Variants in ROBO1 observed in about 807,000 individuals in gnomAD.
ROBO1 encodes roundabout guidance receptor 1.
ROBO1 carries 149 observed loss-of-function variants against 195.9 expected under a neutral mutation model. The ratio of observed to expected loss-of-function variants is 0.76; its 90% CI spans 0.67 to 0.87. The LOEUF (loss-of-function observed/expected upper bound fraction) is 0.87, where lower values mean the gene tolerates loss of function less well. Among genes scored for constraint, ROBO1 ranks in the 40% least tolerant of loss-of-function variants. The probability of loss-of-function intolerance (pLI) is 0.00; values close to 1 mark genes in which losing one functional copy is unlikely to be tolerated. For synonymous variants in ROBO1, 816 were observed against 733.2 expected, an observed-to-expected ratio of 1.11 and a Z score of -1.82; for missense variants, 1,933 against 2,068.3, an observed-to-expected ratio of 0.93 and a Z score of 1.27.
intron 3 of ROBO1, among the ~76,000 whole-genome samples, chr3:79,002,552 T>A (rs1407180095): frequency 6.6e-6 from 1 of 151,990 alleles, no homozygotes; most frequent in East Asian, 1.9e-4. Context: ...AAAATTAGAG[T>A]ACAGCCAGCC....
At chr3:79,163,152 G>A (rs2108671075) in intron 2 of ROBO1, among the ~76,000 whole-genome samples, 1 of 152,066 alleles carries the variant, frequency 6.6e-6, no homozygotes, top group East Asian at 1.9e-4. Context: ...CTGAAATTCT[G>A]TACCCACTAA....
At chr3:79,255,707 G>A (rs2082821203) in intron 2 of ROBO1, among the ~76,000 whole-genome samples, 1 of 152,100 alleles carries the variant, frequency 6.6e-6, no homozygotes, top group Admixed American at 6.6e-5. Context: ...TAATATATAC[G>A]AAGGGCGATT....
At chr3:79,081,419 C>G (rs547913239) in intron 3 of ROBO1, among the ~76,000 whole-genome samples, 1 of 152,208 alleles carries the variant, frequency 6.6e-6, no homozygotes, top group East Asian at 1.9e-4. Flanking sequence ...AATCTTTGAG[C>G]ACAATAGTAA....
chr3:79,231,733 A>C (rs1197417031), intron 2 of ROBO1, among the ~76,000 whole-genome samples: 6 of 152,202 alleles, frequency 3.9e-5, no homozygotes, highest in African/African-American at 1.4e-4. Flanking sequence ...AAAGGGTATA[A>C]ATTATTCTAT....
At chr3:79,616,516 GACATAGGAAACCAGATA>G (rs1944824545) in intron 1 of ROBO1, among the ~76,000 whole-genome samples, 1 of 152,090 alleles carries the variant, frequency 6.6e-6, no homozygotes, top group African/African-American at 2.4e-5. Flanking sequence ...TGTACTTTGG[GACATAGGAAACCAGATA>G]ACATGGTCTC....
At position 79,540,481 on chromosome 3, in the gene ROBO1, T is replaced by C. The variant is rs185633010; in HGVS notation, c.88+49343A>G. ...GTAATTATATCCAATCCTATTAATA[T>C]GCTTTCAACATCCGCTCATAACCCA... On this transcript the variant is annotated intron_variant, in intron 2 of 30. Coordinates refer to ENST00000464233, the MANE Select transcript of ROBO1 (RefSeq NM_002941.4). 3.2e-3 allele frequency among the ~76,000 whole-genome samples: 487 copies of C among 152,244 alleles called. 7 individuals carry two copies. Among genetic ancestry groups the C allele is most frequent in the Non-Finnish European group, 2.7e-3 (182 of 67,996 alleles).
chr3:78,768,158 T>C (rs1283933544), intron 4 of ROBO1, among the ~76,000 whole-genome samples: 2 of 152,124 alleles, frequency 1.3e-5, no homozygotes, highest in African/African-American at 2.4e-5. Context: ...TTTTAAAATT[T>C]CCATCTTGAT....
intron 1 of ROBO1, among the ~76,000 whole-genome samples, chr3:79,709,961 C>T (rs1210052973): frequency 6.6e-6 from 1 of 152,146 alleles, no homozygotes; most frequent in Non-Finnish European, 1.5e-5. Context: ...CTTTGGACTT[C>T]CTAGCCCCTG....
chr3:79,718,539 T>C (rs1233460123), intron 1 of ROBO1, among the ~76,000 whole-genome samples: 1 of 152,004 alleles, frequency 6.6e-6, no homozygotes, highest in Non-Finnish European at 1.5e-5. Flanking sequence ...ATATGTATTA[T>C]AGTGTTATAA....
intron 7 of ROBO1, 74 bp from the exon 8 acceptor site, chr3:78,714,598 C>T (rs968969570): frequency 7.5e-7 from 1 of 1,337,558 alleles, no homozygotes; most frequent in Non-Finnish European, 1.0e-6. Flanking sequence ...ACACACAATG[C>T]TTCAAAGCAC....
At chr3:78,880,444 G>GGGTA (rs1302487119) in intron 4 of ROBO1, among the ~76,000 whole-genome samples, 3 of 151,898 alleles carry the variant, frequency 2.0e-5, no homozygotes, top group African/African-American at 7.3e-5. Flanking sequence ...TTACTGAATA[G>GGGTA]GGTAACTTTT....
At chr3:79,535,500 G>C (rs574353466) in intron 2 of ROBO1, among the ~76,000 whole-genome samples, 2 of 152,208 alleles carry the variant, frequency 1.3e-5, no homozygotes, top group African/African-American at 4.8e-5. Flanking sequence ...CCCTATGTAA[G>C]AATCATGATC....
intron 3 of ROBO1, among the ~76,000 whole-genome samples, chr3:79,006,048 T>C (rs530188634): frequency 1.5e-4 from 23 of 152,300 alleles, no homozygotes; most frequent in African/African-American, 5.1e-4. Flanking sequence ...CACCTCTTAA[T>C]AGCAATCAGT....
chr3:79,452,696 T>C (rs2039484084), intron 2 of ROBO1, among the ~76,000 whole-genome samples: 1 of 152,122 alleles, frequency 6.6e-6, no homozygotes, highest in Non-Finnish European at 1.5e-5. Context: ...GTAGATTTTA[T>C]ATACCTGAAG....
intron 4 of ROBO1, among the ~76,000 whole-genome samples, chr3:78,835,390 C>A (rs1463718325): frequency 6.6e-6 from 1 of 152,090 alleles, no homozygotes; most frequent in Non-Finnish European, 1.5e-5. Context: ...ACTTGGCAGA[C>A]AAGACACCTG....
chr3:78,637,039 T>C (rs1029039262), intron 22 of ROBO1, among the ~76,000 whole-genome samples: 1 of 147,444 alleles, frequency 6.8e-6, no homozygotes, highest in South Asian at 2.1e-4. Flanking sequence ...TAAAATAGAT[T>C]TTAAATAGAA....
At chr3:79,566,058 CTT>C (rs1392903434) in intron 2 of ROBO1, among the ~76,000 whole-genome samples, 2 of 152,032 alleles carry the variant, frequency 1.3e-5, no homozygotes, top group Admixed American at 6.6e-5. Flanking sequence ...AGAAAGAACT[CTT>C]GAGTCTTCCT....
intron 2 of ROBO1, among the ~76,000 whole-genome samples, chr3:79,211,179 T>C (rs2081960755): frequency 1.3e-5 from 2 of 152,062 alleles, no homozygotes; most frequent in Non-Finnish European, 2.9e-5. Context: ...TTTATTATTA[T>C]GTTTGCTTTT....
At chr3:79,568,304 G>A (rs908840449) in intron 2 of ROBO1, among the ~76,000 whole-genome samples, 1 of 151,998 alleles carries the variant, frequency 6.6e-6, no homozygotes, top group Non-Finnish European at 1.5e-5. Context: ...CCCTTATAAA[G>A]GGGCAAAAGG....
Sources: allele counts gnomAD v4.1 joint callset (sites outside exome capture counted in the v4.1 genomes callset), GRCh38; gene constraint gnomAD v4.1.1; transcripts MANE v1.5; gene names NCBI Gene and HGNC (gene_info 2026-07-23, HGNC 2026-07-21).